Variants in RFX4 observed in about 807,000 individuals in gnomAD.
RFX4 encodes the protein transcription factor RFX4.
In RFX4, 10 loss-of-function variants were observed where a neutral mutation model predicts 95.0. The observed-to-expected ratio is 0.11, with a 90% confidence interval of 0.06 to 0.18. The LOEUF (loss-of-function observed/expected upper bound fraction) is 0.18. Ranked by LOEUF, RFX4 falls within the 10% of genes least tolerant of loss-of-function variation. RFX4 has a pLI of 1.00. For synonymous variants in RFX4, 321 were observed against 340.7 expected, an observed-to-expected ratio of 0.94 and a Z score of 0.64; for missense variants, 640 against 922.0, an observed-to-expected ratio of 0.69 and a Z score of 3.96.
intron 10 of RFX4, among the ~76,000 whole-genome samples, chr12:106,713,697 A>G (rs1413904964): frequency 6.6e-6 from 1 of 152,196 alleles, no homozygotes; most frequent in Non-Finnish European, 1.5e-5. Flanking sequence ...CACTATCTCA[A>G]GGAATCCTCA....
chr12:106,712,260 G>C (rs1326619021), intron 10 of RFX4, among the ~76,000 whole-genome samples: 1 of 152,232 alleles, frequency 6.6e-6, no homozygotes, highest in Admixed American at 6.5e-5. Context: ...TTGGAACTGG[G>C]AGATGACAGC....
chr12:106,614,400 C>A (rs1292528498), intron 2 of RFX4, among the ~76,000 whole-genome samples: 2 of 151,934 alleles, frequency 1.3e-5, no homozygotes, highest in Admixed American at 1.3e-4. Context: ...ATCTCATGAT[C>A]CACCTGCCTC....
rs915285210 is a variant in RFX4 at position 106,611,235 on chromosome 12, C to A, written c.130+2352C>A. The stretch of plus-strand genomic sequence containing the variant: ...AACCTCTTATCAGTTATGTGACTTA[C>A]AAATATTTCCTCCTATTCCATGGGT... On this transcript the variant is annotated intron_variant, in intron 2 of 17. Transcript: ENST00000392842. 3.3e-5 allele frequency among the ~76,000 whole-genome samples: 5 copies of A among 152,174 alleles called. No individual in the cohort carries two copies. In the South Asian group the frequency reaches 8.3e-4, roughly 25 times the overall value.
In RFX4 at chr12:106,583,119, CTCTTT is replaced by C. The variant is rs1345817062; in HGVS notation, c.-197_-193del. On this transcript the variant is annotated 5_prime_UTR_variant, in exon 1 of 18. Transcript: ENST00000392842. ...TCGCTCCCTTCTCTCCCTCTCTCTC[CTCTTT>C]TCTTCTTTCTCTTTTCTTTCCTCTT... is the stretch of plus-strand genomic sequence containing the variant. 2.1e-6 allele frequency: 1 copy of C among 467,620 alleles called. No individual in the cohort carries two copies. The highest frequency in any genetic ancestry group is 3.6e-6 in the Non-Finnish European group (1 of 274,020). The allele number at this position is 467,620 out of a possible 1,614,324, so 29.0% of individuals were successfully genotyped here.
At chr12:106,640,738 CTG>C (rs1321037973) in intron 3 of RFX4, among the ~76,000 whole-genome samples, 2 of 149,914 alleles carry the variant, frequency 1.3e-5, no homozygotes, top group East Asian at 1.9e-4. Context: ...GTAAAGGACT[CTG>C]GGAGTGGGAG....
intron 6 of RFX4, 85 bp downstream of exon 6, chr12:106,687,182 T>TCTCTCTCTCACA (rs1443795120): frequency 4.0e-6 from 2 of 496,004 alleles, no homozygotes; most frequent in African/African-American, 4.4e-5. Context: ...TCTCTCTCTC[T>TCTCTCTCTCACA]CACACACACA....
At chr12:106,637,046 G>C (rs1439889623) in intron 2 of RFX4, among the ~76,000 whole-genome samples, 1 of 152,154 alleles carries the variant, frequency 6.6e-6, no homozygotes, top group Non-Finnish European at 1.5e-5. Context: ...CCGAGAGAGA[G>C]TGTCTCCTGA....
chr12:106,707,905 G>T (rs1024269430), intron 8 of RFX4, among the ~76,000 whole-genome samples: 2 of 152,188 alleles, frequency 1.3e-5, no homozygotes, highest in African/African-American at 4.8e-5. Context: ...GGCCAAGGCG[G>T]GTGGATCACT....
chr12:106,708,157 T>C (rs990032173), intron 8 of RFX4, among the ~76,000 whole-genome samples: 5 of 151,992 alleles, frequency 3.3e-5, no homozygotes, highest in South Asian at 2.1e-4. Flanking sequence ...AGCAGAATGA[T>C]GTAGTAGAGA....
chr12:106,583,404 G>C (rs2039402212), intron 1 of RFX4, 41 bp downstream of exon 1: 1 of 1,517,550 alleles, frequency 6.6e-7, no homozygotes, highest in Non-Finnish European at 8.8e-7. Context: ...CATTGGGAGG[G>C]AAGGAGAAGG....
In RFX4 at chr12:106,691,842, T is replaced by A. The variant is rs887773428; in HGVS notation, c.669+2478T>A. 9.2e-5 allele frequency among the ~76,000 whole-genome samples: 14 copies of A among 152,162 alleles called. No individual in the cohort carries two copies. In the South Asian group the frequency reaches 1.2e-3, roughly 14 times the overall value. The stretch of plus-strand genomic sequence containing the variant: ...CAGGTGTAGAAATGCCATTGACTTA[T>A]AACATTGTCAAGCAATTAAAGAATG... On this transcript the variant is annotated intron_variant, in intron 7 of 17. Coordinates refer to ENST00000392842, the MANE Select transcript of RFX4 (RefSeq NM_213594.3).
At chr12:106,656,807 C>T (rs1308145138) in intron 4 of RFX4, among the ~76,000 whole-genome samples, 2 of 152,166 alleles carry the variant, frequency 1.3e-5, no homozygotes, top group Non-Finnish European at 2.9e-5. Context: ...CCCCAAATGG[C>T]ATTTCAAAAT....
At chr12:106,725,824 G>A (rs2042484345) in intron 13 of RFX4, among the ~76,000 whole-genome samples, 1 of 152,102 alleles carries the variant, frequency 6.6e-6, no homozygotes. Context: ...CACAATAAAG[G>A]AGAAAGTCTC....
At chr12:106,605,886 G>A (rs773908886) in intron 1 of RFX4, among the ~76,000 whole-genome samples, 20 of 152,160 alleles carry the variant, frequency 1.3e-4, no homozygotes, top group Non-Finnish European at 2.6e-4. Flanking sequence ...GGTGCAATGG[G>A]TGAGATGTCT....
In RFX4 at chr12:106,691,632, A is replaced by T. The variant is rs183445951; in HGVS notation, c.669+2268A>T. Among the ~76,000 whole-genome samples the T allele has an allele frequency of 6.6e-5, 10 of 152,350 alleles. No individual in the cohort carries two copies. In the East Asian group the frequency reaches 1.9e-3, roughly 29 times the overall value. On this transcript the variant is annotated intron_variant, in intron 7 of 17. Coordinates refer to ENST00000392842, the MANE Select transcript of RFX4 (RefSeq NM_213594.3). ...TTAATATCAGTTGAGGTTACAACTT[A>T]TGCTAGTATCACAGTCCTAAATTAT... is the stretch of plus-strand genomic sequence containing the variant.
At chr12:106,672,805 T>C (rs1353011712) in intron 4 of RFX4, among the ~76,000 whole-genome samples, 1 of 151,692 alleles carries the variant, frequency 6.6e-6, no homozygotes, top group Non-Finnish European at 1.5e-5. Flanking sequence ...CCACAGGTTT[T>C]TGTTGCAGCT....
At chr12:106,650,685 G>A (rs921468650) in intron 3 of RFX4, among the ~76,000 whole-genome samples, 8 of 151,784 alleles carry the variant, frequency 5.3e-5, no homozygotes, top group African/African-American at 1.9e-4. Context: ...CCGAGATGTC[G>A]CCATTTCACT....
chr12:106,753,182 G>C (rs1050697321), intron 17 of RFX4, among the ~76,000 whole-genome samples: 1 of 152,000 alleles, frequency 6.6e-6, no homozygotes, highest in African/African-American at 2.4e-5. Flanking sequence ...TTACCTTTCT[G>C]GCCTACTCAC....
chr12:106,738,814 T>A (rs1322521502), intron 15 of RFX4, among the ~76,000 whole-genome samples: 1 of 152,132 alleles, frequency 6.6e-6, no homozygotes. Flanking sequence ...ATAGGCATAT[T>A]ATATTATAAA....
Sources: gnomAD v4.1 joint callset for allele counts (sites outside exome capture counted in the v4.1 genomes callset) on GRCh38, gnomAD v4.1.1 for gene constraint, MANE v1.5 for transcripts, NCBI Gene and HGNC (gene_info 2026-07-23, HGNC 2026-07-21) for gene names.